GABBR2: variants seen among roughly 807,000 people sequenced by gnomAD.
GABBR2 encodes gamma-aminobutyric acid type B receptor subunit 2.
A neutral mutation model predicts 105.6 loss-of-function variants in GABBR2; 23 were observed. The observed-to-expected ratio is 0.22, with a 90% CI of 0.16 to 0.31. The LOEUF (loss-of-function observed/expected upper bound fraction) is 0.31. Ranked by LOEUF, GABBR2 falls within the 10% of genes least tolerant of loss-of-function variation. GABBR2 has a pLI of 1.00. For missense variants in GABBR2, 734 were observed against 1,245.5 expected (o/e 0.59, Z 6.18); for synonymous variants, 478 against 499.7 (o/e 0.96, Z 0.58).
At chr9:98,649,973 G>C (rs993267966) in intron 1 of GABBR2, among the ~76,000 whole-genome samples, 1 of 152,170 alleles carries the variant, frequency 6.6e-6, no homozygotes, top group Non-Finnish European at 1.5e-5. Flanking sequence ...AGTAATTCAT[G>C]TGTCTGGATT....
chr9:98,436,726 G>A (rs1171619950), intron 7 of GABBR2, among the ~76,000 whole-genome samples: 1 of 151,760 alleles, frequency 6.6e-6, no homozygotes, highest in Non-Finnish European at 1.5e-5. Flanking sequence ...CTAGAATTTT[G>A]CTTAAATACT....
chr9:98,303,865 C>T (rs1365187354), intron 15 of GABBR2, among the ~76,000 whole-genome samples: 2 of 152,260 alleles, frequency 1.3e-5, no homozygotes, highest in Non-Finnish European at 2.9e-5. Flanking sequence ...TAGTAACAAG[C>T]TCTGTCACTG....
intron 11 of GABBR2, among the ~76,000 whole-genome samples, chr9:98,373,587 G>T (rs140698472): frequency 6.6e-6 from 1 of 152,114 alleles, no homozygotes; most frequent in Admixed American, 6.5e-5. Context: ...ACACCCAGAG[G>T]GGGTAGCTGA....
intron 7 of GABBR2, among the ~76,000 whole-genome samples, chr9:98,452,810 T>G (rs187614063): frequency 9.8e-5 from 15 of 152,330 alleles, no homozygotes; most frequent in African/African-American, 3.1e-4. Flanking sequence ...TAATAAATAT[T>G]AAAAGGTTGT....
intron 1 of GABBR2, among the ~76,000 whole-genome samples, chr9:98,624,915 G>C (rs139681792): frequency 1.1e-3 from 173 of 152,312 alleles, no homozygotes; most frequent in African/African-American, 3.9e-3. Context: ...AATTTGTGGA[G>C]AGGAGGGATC....
chr9:98,289,732 T>A lies in GABBR2; in HGVS notation c.*852A>T, dbSNP rs184928003. The A allele has an allele frequency of 3.9e-5, 6 of 152,526 alleles. No homozygotes were observed. In the East Asian group the frequency reaches 9.7e-4, roughly 25 times the overall value. The allele number at this position is 152,526 out of a possible 1,614,324, so 9.4% of individuals were successfully genotyped here. ...TATCGTGTTTGCTGGGAACAGACAT[T>A]CCATGATTAGCTCGGGTGGTCCCCC... On this transcript the variant is annotated 3_prime_UTR_variant, in exon 19 of 19. Transcript: ENST00000259455.
chr9:98,700,505 C>T (rs930057332), intron 1 of GABBR2, among the ~76,000 whole-genome samples: 1 of 152,112 alleles, frequency 6.6e-6, no homozygotes, highest in African/African-American at 2.4e-5. Context: ...TCCTACCCGA[C>T]TCTCCTTCCT....
In GABBR2 at chr9:98,322,575, T is replaced by C. The variant is rs140971139; in HGVS notation, c.1894-11370A>G. On this transcript the variant is annotated intron_variant, in intron 13 of 18. Coordinates refer to ENST00000259455, the MANE Select transcript of GABBR2 (RefSeq NM_005458.8). ...CAGTAAAGACATCCGGGCCCCATGA[T>C]CCTGGCTCCCATCCCCCTCCATGAT... Among the ~76,000 whole-genome samples the C allele has an allele frequency of 4.1e-3, 618 of 150,868 alleles. 3 individuals carry two copies. Among genetic ancestry groups the C allele is most frequent in the African/African-American group, 0.014 (556 of 40,932 alleles).
intron 13 of GABBR2, among the ~76,000 whole-genome samples, chr9:98,344,294 A>G (rs780473474): frequency 1.3e-5 from 2 of 152,186 alleles, no homozygotes; most frequent in Non-Finnish European, 2.9e-5. Flanking sequence ...CACCGTCACC[A>G]CAAGTAGAGT....
intron 12 of GABBR2, among the ~76,000 whole-genome samples, chr9:98,364,102 C>T (rs568080410): frequency 3.3e-5 from 5 of 152,266 alleles, no homozygotes; most frequent in Admixed American, 2.6e-4. Context: ...TCAGTGACTG[C>T]CAAGGAGATT....
chr9:98,675,386 G>C (rs767315985), intron 1 of GABBR2, among the ~76,000 whole-genome samples: 2 of 152,122 alleles, frequency 1.3e-5, no homozygotes, highest in Non-Finnish European at 2.9e-5. Flanking sequence ...TGAGCAGTGA[G>C]GCTATGAAGA....
intron 7 of GABBR2, 122 bp downstream of exon 7, chr9:98,453,859 A>G: frequency 1.3e-6 from 1 of 752,640 alleles, no homozygotes; most frequent in Non-Finnish European, 2.3e-6. Context: ...AGGGCCTGCA[A>G]TTAGTTATTT....
intron 4 of GABBR2, among the ~76,000 whole-genome samples, chr9:98,491,078 T>A (rs1015984586): frequency 3.9e-5 from 6 of 152,210 alleles, no homozygotes; most frequent in Non-Finnish European, 8.8e-5. Context: ...TCTGTCAATT[T>A]CCGTCTCTAT....
intron 13 of GABBR2, among the ~76,000 whole-genome samples, chr9:98,331,807 G>A (rs960137142): frequency 3.9e-5 from 6 of 152,214 alleles, no homozygotes; most frequent in African/African-American, 1.2e-4. Flanking sequence ...TGGGAAGTGG[G>A]AGTGGGAGCA....
At chr9:98,706,109 C>CAAAAAAAAAA (rs3983388) in intron 1 of GABBR2, among the ~76,000 whole-genome samples, 1 of 136,994 alleles carries the variant, frequency 7.3e-6, no homozygotes. Context: ...ACAAAAAAAA[C>CAAAAAAAAAA]AAAAAAAAAA....
chr9:98,526,983 C>A (rs1345323769), intron 3 of GABBR2, among the ~76,000 whole-genome samples: 4 of 151,676 alleles, frequency 2.6e-5, no homozygotes, highest in African/African-American at 9.7e-5. Context: ...AAGGACAAGA[C>A]AAGAATACCC....
chr9:98,369,409 TG>T (rs1380318053), intron 12 of GABBR2, among the ~76,000 whole-genome samples: 1 of 151,694 alleles, frequency 6.6e-6, no homozygotes, highest in Non-Finnish European at 1.5e-5. Context: ...AAGAGGTGGG[TG>T]GGGGGCCTGA....
intron 1 of GABBR2, among the ~76,000 whole-genome samples, chr9:98,589,711 C>CTT (rs561852717): frequency 0.032 from 4,187 of 132,692 alleles, 90 homozygotes; most frequent in East Asian, 0.083. Context: ...GTTTGGCTGT[C>CTT]TTTTTTTTTT....
At chr9:98,549,605 G>C (rs1828451002) in intron 2 of GABBR2, among the ~76,000 whole-genome samples, 2 of 152,182 alleles carry the variant, frequency 1.3e-5, no homozygotes, top group Non-Finnish European at 2.9e-5. Flanking sequence ...ATGCCCCTGG[G>C]GGCTGGTGGA....
Sources: allele counts gnomAD v4.1 joint callset (sites outside exome capture counted in the v4.1 genomes callset), GRCh38; gene constraint gnomAD v4.1.1; transcripts MANE v1.5; gene names NCBI Gene and HGNC (gene_info 2026-07-23, HGNC 2026-07-21).